The following CBLB variants were observed in gnomAD, a reference collection of about 807,000 sequenced individuals.
CBLB encodes E3 ubiquitin-protein ligase CBL-B.
In CBLB, 31 loss-of-function variants were observed where a neutral mutation model predicts 104.9. The ratio of observed to expected loss-of-function variants is 0.30; its 90% CI spans 0.22 to 0.40. The LOEUF is 0.40. CBLB is among the 10% of genes least tolerant of loss of function. The probability of loss-of-function intolerance (pLI) is 1.00; values close to 1 mark genes in which losing one functional copy is unlikely to be tolerated. For synonymous variants in CBLB, 440 were observed against 422.6 expected (o/e 1.04, Z -0.51); for missense variants, 1,062 against 1,214.6 (o/e 0.87, Z 1.87).
rs112192218 is a variant in CBLB at position 105,847,392 on chromosome 3, CCACACACA to C, written c.419+6014_419+6021del. On this transcript the variant is annotated intron_variant, in intron 3 of 18. Transcript: ENST00000394030. ...TAACTACAGAACATGTAACCCTCCA[CCACACACA>C]CACACACACACACACACACACACAC... 4.7e-4 allele frequency among the ~76,000 whole-genome samples: 68 copies of C among 143,536 alleles called. 1 individual carries two copies. The highest frequency in any genetic ancestry group is 1.6e-3 in the African/African-American group (60 of 38,668). 94.2% of individuals were successfully genotyped at this position (143,536 alleles called of 152,430 possible).
intron 13 of CBLB, among the ~76,000 whole-genome samples, chr3:105,685,722 T>G (rs2066923731): frequency 6.6e-6 from 1 of 152,150 alleles, no homozygotes; most frequent in South Asian, 2.1e-4. Flanking sequence ...ACTAGTAACC[T>G]GTCGAATAAA....
At chr3:105,752,285 T>C (rs2076664582) in intron 4 of CBLB, among the ~76,000 whole-genome samples, 1 of 152,222 alleles carries the variant, frequency 6.6e-6, no homozygotes, top group Admixed American at 6.5e-5. Context: ...TAACATGTTA[T>C]GCAGTTACAT....
At chr3:105,726,325 G>T (rs1156649758) in intron 9 of CBLB, among the ~76,000 whole-genome samples, 1 of 151,910 alleles carries the variant, frequency 6.6e-6, no homozygotes, top group Non-Finnish European at 1.5e-5. Context: ...TTACTATTTT[G>T]AATACGCTGA....
At chr3:105,702,680 A>AGT (rs1176640654) in intron 11 of CBLB, among the ~76,000 whole-genome samples, 3 of 152,102 alleles carry the variant, frequency 2.0e-5, no homozygotes, top group African/African-American at 4.8e-5. Context: ...ATTAGGAAAA[A>AGT]GTAGAAATGA....
intron 4 of CBLB, among the ~76,000 whole-genome samples, chr3:105,761,261 G>A (rs62261493): frequency 0.067 from 10,169 of 152,166 alleles, 494 homozygotes; most frequent in Admixed American, 0.15. Flanking sequence ...CGAACTTCTG[G>A]ACTCAAGTGA....
chr3:105,736,321 C>A (rs1343863910), intron 8 of CBLB, among the ~76,000 whole-genome samples: 1 of 152,082 alleles, frequency 6.6e-6, no homozygotes, highest in Non-Finnish European at 1.5e-5. Context: ...AAACTATACT[C>A]ACATGTTCAT....
At chr3:105,688,344 C>A (rs571395755) in intron 13 of CBLB, among the ~76,000 whole-genome samples, 84 of 152,048 alleles carry the variant, frequency 5.5e-4, no homozygotes, top group African/African-American at 1.9e-3. Context: ...AGTCACCACC[C>A]CCCCCACAAC....
chr3:105,717,795 A>C (rs145252680), intron 10 of CBLB, among the ~76,000 whole-genome samples: 2 of 152,296 alleles, frequency 1.3e-5, no homozygotes, highest in East Asian at 3.9e-4. Flanking sequence ...GATTTCTACT[A>C]ACTCAGATTA....
intron 3 of CBLB, among the ~76,000 whole-genome samples, chr3:105,796,089 T>G (rs2083759): frequency 4.6e-5 from 7 of 152,140 alleles, no homozygotes; most frequent in Admixed American, 4.6e-4. Flanking sequence ...TAGAAAAAAA[T>G]CTATTTTAAA....
chr3:105,752,667 A>G (rs376174772), intron 4 of CBLB, among the ~76,000 whole-genome samples: 16 of 152,334 alleles, frequency 1.1e-4, no homozygotes, highest in African/African-American at 3.6e-4. Flanking sequence ...GCCCCATGCT[A>G]TATCAATCCT....
At chr3:105,769,029 T>G (rs1472767700) in intron 4 of CBLB, among the ~76,000 whole-genome samples, 1 of 152,194 alleles carries the variant, frequency 6.6e-6, no homozygotes, top group Non-Finnish European at 1.5e-5. Context: ...TAACAATTAT[T>G]GCCGCCGGGC....
chr3:105,701,961 C>T, intron 12 of CBLB, 133 bp downstream of exon 12: 1 of 908,790 alleles, frequency 1.1e-6, no homozygotes, highest in East Asian at 2.4e-5. Context: ...TTATTTATAA[C>T]TTGGGGATAA....
chr3:105,820,436 G>T (rs998043251), intron 3 of CBLB, among the ~76,000 whole-genome samples: 4 of 152,138 alleles, frequency 2.6e-5, no homozygotes, highest in Non-Finnish European at 4.4e-5. Flanking sequence ...TAGAAGCAAG[G>T]TTCGGGGGCA....
intron 17 of CBLB, chr3:105,673,545 A>G (rs1265434117): frequency 6.6e-6 from 1 of 152,212 alleles, no homozygotes. Context: ...TTAATAGAGT[A>G]TATCAAAGCA....
At chr3:105,769,624 A>C (rs1019102828) in intron 4 of CBLB, among the ~76,000 whole-genome samples, 1 of 152,254 alleles carries the variant, frequency 6.6e-6, no homozygotes, top group African/African-American at 2.4e-5. Context: ...ACGAAAACAA[A>C]GACAATGAGG....
chr3:105,730,652 A>G (rs2152851553), intron 9 of CBLB, among the ~76,000 whole-genome samples: 1 of 152,264 alleles, frequency 6.6e-6, no homozygotes, highest in Middle Eastern at 3.4e-3. Flanking sequence ...TACAAAATGT[A>G]TCAGGAGGAT....
chr3:105,671,163 T>C (rs912398838), intron 17 of CBLB: 7 of 194,442 alleles, frequency 3.6e-5, no homozygotes, highest in Admixed American at 6.1e-5. Context: ...TTAACATTCA[T>C]AGTATTATAT....
At chr3:105,725,493 T>C (rs1460698587) in intron 9 of CBLB, among the ~76,000 whole-genome samples, 1 of 152,222 alleles carries the variant, frequency 6.6e-6, no homozygotes, top group Non-Finnish European at 1.5e-5. Context: ...TCTAATTTAG[T>C]CATTAGACTT....
At chr3:105,810,498 C>G (rs542781994) in intron 3 of CBLB, among the ~76,000 whole-genome samples, 6 of 152,024 alleles carry the variant, frequency 3.9e-5, no homozygotes, top group African/African-American at 1.4e-4. Context: ...GGTTTTTGCA[C>G]GGGTATAACT....
Sources: allele counts gnomAD v4.1 joint callset (sites outside exome capture counted in the v4.1 genomes callset), GRCh38; gene constraint gnomAD v4.1.1; transcripts MANE v1.5; gene names NCBI Gene and HGNC (gene_info 2026-07-23, HGNC 2026-07-21).